C20orf204: variants seen among roughly 807,000 people sequenced by gnomAD.
C20orf204 encodes uncharacterized protein C20orf204.
A neutral mutation model predicts 3.6 loss-of-function variants in C20orf204; 6 were observed. The observed-to-expected ratio is 1.68, with a 90% CI of 0.92 to 3.31. The LOEUF is 3.31. C20orf204 is among the 30% of genes most tolerant of loss of function. The pLI, the probability that C20orf204 is intolerant of heterozygous loss-of-function variation, is 0.00. For missense variants in C20orf204, 167 were observed against 89.7 expected, an observed-to-expected ratio of 1.86 and a Z score of -3.48; for synonymous variants, 80 against 41.4, an observed-to-expected ratio of 1.93 and a Z score of -3.58.
rs754863025 is a variant in C20orf204 at position 64,038,301 on chromosome 20, C to G, written c.285C>G (p.His95Gln). 4 of 758,240 alleles carry G rather than the reference C, an allele frequency of 5.3e-6. No homozygotes were observed. In the East Asian group the frequency reaches 7.7e-5, roughly 15 times the overall value. The allele number at this position is 758,240 out of a possible 1,614,324, so 47.0% of individuals were successfully genotyped here. ...TTCCTCCCTTCCCTCCCCAGGAGCA[C>G]AGTATCCTCCTGTCCATCTCGTCCC... ...PRASCGAQKE[H>Q]SILLSISSLG... Residue 95 changes from histidine to glutamine, a missense_variant, in exon 3 of 4, where the codon CAC becomes CAG. By Grantham distance (24) the His-to-Gln change is conservative (BLOSUM62 0). Coordinates refer to ENST00000636176, the MANE Select transcript of C20orf204 (RefSeq NM_001387010.1).
chr20:64,035,896 C>T (rs1199390431), upstream of C20orf204: 2 of 152,602 alleles, frequency 1.3e-5, no homozygotes, highest in Non-Finnish European at 2.9e-5. Flanking sequence ...CCTGGCTCCC[C>T]TCCCCCACCA....
upstream of C20orf204, chr20:64,034,326 G>A (rs1029318590): frequency 6.6e-6 from 1 of 152,542 alleles, no homozygotes; most frequent in Admixed American, 6.5e-5. Context: ...CTCCTGACGA[G>A]TGAGAATGGC....
At position 64,038,937 on chromosome 20, in the gene C20orf204, G is replaced by C. The variant is rs949284544; in HGVS notation, c.*178G>C. ...GCGCGCCTGGCCGCCGCTGGGTCAC[G>C]GAGGAGGCCCGCCCTCCACGCGCCG... On this transcript the variant is annotated 3_prime_UTR_variant, in exon 4 of 4. Transcript: ENST00000636176. The C allele has an allele frequency of 1.4e-6, 1 of 726,396 alleles. No homozygotes were observed. The highest frequency in any genetic ancestry group is 1.9e-5 in the Admixed American group (1 of 52,872). The allele number at this position is 726,396 out of a possible 1,614,324, so 45.0% of individuals were successfully genotyped here. A position where few individuals can be genotyped will look rare whatever the true frequency, so the allele number is the denominator to read the frequency against.
chr20:64,038,468 C>G lies in C20orf204; in HGVS notation c.432+20C>G, dbSNP rs1569229777. The G allele has an allele frequency of 5.4e-6, 4 of 734,000 alleles. No individual in the cohort carries two copies. The highest frequency in any genetic ancestry group is 7.5e-6 in the Non-Finnish European group (3 of 399,352). The allele number at this position is 734,000 out of a possible 1,614,324, so 45.5% of individuals were successfully genotyped here. A position where few individuals can be genotyped will look rare whatever the true frequency, so the allele number is the denominator to read the frequency against. The stretch of plus-strand genomic sequence containing the variant: ...CGCCAGGTGTGCGTCCCTGAGTGCA[C>G]CCAGAGCCAGACCTCCCTTAACCCC... On this transcript the variant is annotated intron_variant, in intron 3 of 3. Transcript: ENST00000636176.
At chr20:64,035,829 C>T (rs1411447160), upstream of C20orf204, 1 of 152,306 alleles carries the variant, frequency 6.6e-6, no homozygotes, top group Non-Finnish European at 1.5e-5. Context: ...CTCTGCCCAT[C>T]AGCCAGATCC....
In C20orf204 at chr20:64,038,384, CT is replaced by C. The variant is rs770010694; in HGVS notation, c.369del (p.Ala124LeufsTer11). The C allele has an allele frequency of 1.3e-6, 1 of 770,356 alleles. No homozygotes were observed. Among genetic ancestry groups the C allele is most frequent in the Non-Finnish European group, 2.4e-6 (1 of 414,858 alleles). 47.7% of individuals were successfully genotyped at this position (770,356 alleles called of 1,614,324 possible). A position where few individuals can be genotyped will look rare whatever the true frequency, so the allele number is the denominator to read the frequency against. On this transcript the variant is annotated frameshift_variant, in exon 3 of 4. Coordinates refer to ENST00000636176, the MANE Select transcript of C20orf204 (RefSeq NM_001387010.1). LOFTEE classifies it high-confidence loss of function. ...AGGRRGALER[A>X]AWTVAVRTEA... ...GGCCGCCGCGGGGCCCTGGAGAGAG[CT>C]GCTTGGACCGTGGCTGTGCGCACCG...
At chr20:64,038,542 G>C in intron 3 of C20orf204, 80 bp from the exon 4 acceptor site, 1 of 540,900 alleles carries the variant, frequency 1.8e-6, no homozygotes, top group South Asian at 2.5e-5. Context: ...GGCTGAAGTC[G>C]GGCTGGGTCG....
chr20:64,038,601 T>G (rs1231460101), intron 3 of C20orf204, 21 bp from the exon 4 acceptor site: 1 of 528,010 alleles, frequency 1.9e-6, no homozygotes, highest in Non-Finnish European at 3.3e-6. Flanking sequence ...GCGCATTCGC[T>G]GACCGCCCTG....
In C20orf204 at chr20:64,038,220, C is replaced by T. The variant is rs1003064052; in HGVS notation, c.279+18C>T. On this transcript the variant is annotated intron_variant, in intron 2 of 3. Transcript: ENST00000636176. ...CCCAGAAGGTATGGAGGAGGCGCCC[C>T]TACCCAAGCTCGCCGGCCTGCTCCT... The T allele has an allele frequency of 5.6e-6, 4 of 720,010 alleles. No homozygotes were observed. The African/African-American group carries it at 7.2e-5, about 13-fold the overall frequency. 44.6% of individuals were successfully genotyped at this position (720,010 alleles called of 1,614,324 possible). A position where few individuals can be genotyped will look rare whatever the true frequency, so the allele number is the denominator to read the frequency against.
At chr20:64,037,780 T>C (rs1042642523) in intron 1 of C20orf204, 147 bp from the exon 2 acceptor site, 3 of 401,708 alleles carry the variant, frequency 7.5e-6, no homozygotes, top group African/African-American at 6.2e-5. Context: ...CTTTCTTGAT[T>C]GGTGACACGT....
At chr20:64,037,901 T>C in intron 1 of C20orf204, 26 bp from the exon 2 acceptor site, 2 of 426,734 alleles carry the variant, frequency 4.7e-6, no homozygotes, top group South Asian at 6.5e-5. Context: ...CCCCCAGGCC[T>C]AACCCCAACC....
upstream of C20orf204, chr20:64,034,910 AG>A: frequency 6.6e-6 from 1 of 152,354 alleles, no homozygotes; most frequent in Non-Finnish European, 1.5e-5. Flanking sequence ...ACCGAGGCGT[AG>A]GAAGGAAGCC....
chr20:64,037,475 T>G (rs768033918), intron 1 of C20orf204: 44 of 159,906 alleles, frequency 2.8e-4, no homozygotes, highest in Non-Finnish European at 3.1e-4. Context: ...CCCAAGAGCC[T>G]GCAGACCAGC....
chr20:64,036,895 G>T (rs1473826815), intron 1 of C20orf204: 1 of 152,366 alleles, frequency 6.6e-6, no homozygotes, highest in African/African-American at 2.4e-5. Context: ...TCTATGCAAG[G>T]GTTGGGGTGC....
chr20:64,035,939 G>A (rs530938488), upstream of C20orf204: 26 of 152,584 alleles, frequency 1.7e-4, no homozygotes, highest in Admixed American at 3.9e-4. Context: ...CCCACGCGGC[G>A]CCTCACCCCT....
chr20:64,034,034 G>A (rs776213719), upstream of C20orf204, among the ~76,000 whole-genome samples: 7 of 152,168 alleles, frequency 4.6e-5, no homozygotes, highest in Non-Finnish European at 7.3e-5. Context: ...TGTGTAGGCC[G>A]GGGCTAGAGA....
At chr20:64,033,993 G>A (rs967155214), upstream of C20orf204, among the ~76,000 whole-genome samples, 9 of 152,246 alleles carry the variant, frequency 5.9e-5, no homozygotes, top group South Asian at 4.1e-4. Context: ...GGGATCATGT[G>A]TGTGCATTCA....
At position 64,038,729 on chromosome 20, in the gene C20orf204, G is replaced by A. The variant is rs1310443526; in HGVS notation, c.540G>A (p.Ala180=). The stretch of plus-strand genomic sequence containing the variant: ...CCACCTGCTGGGAGAAGCTCTTCGC[G>A]CTGCGCGCCCCGGCCTCCAGGGACT... ...AVATCWEKLF[A]LRAPASRDS is the part of the protein sequence containing the mutation. The change falls in exon 4 of 4, where the codon GCG becomes GCA. Residue 180 remains alanine (A), a synonymous_variant. Coordinates refer to ENST00000636176, the MANE Select transcript of C20orf204 (RefSeq NM_001387010.1). 4.4e-6 allele frequency: 3 copies of A among 688,624 alleles called. No individual in the cohort carries two copies. Among genetic ancestry groups the A allele is most frequent in the South Asian group, 3.1e-5 (2 of 65,188 alleles). The allele number at this position is 688,624 out of a possible 1,614,324, so 42.7% of individuals were successfully genotyped here. A position where few individuals can be genotyped will look rare whatever the true frequency, so the allele number is the denominator to read the frequency against.
chr20:64,038,108 G>C lies in C20orf204; in HGVS notation c.185G>C (p.Gly62Ala), dbSNP rs1390901730. 4.0e-5 allele frequency: 21 copies of C among 530,428 alleles called. 1 individual carries two copies. Among genetic ancestry groups the C allele is most frequent in the South Asian group, 2.0e-4 (8 of 40,424 alleles). 32.9% of individuals were successfully genotyped at this position (530,428 alleles called of 1,614,324 possible). A position where few individuals can be genotyped will look rare whatever the true frequency, so the allele number is the denominator to read the frequency against. The change falls in exon 2 of 4, where the codon GGC becomes GCC. Residue 62 changes from glycine (G) to alanine (A), a missense_variant. Physicochemically the swap from Gly to Ala is moderately conservative, Grantham distance 60. Coordinates refer to ENST00000636176, the MANE Select transcript of C20orf204 (RefSeq NM_001387010.1). ...GCGGGGGCCGAAAAGACCAGGCCAG[G>C]CTCCAGACACTTTCATTTCATACAG... The part of the protein sequence containing the change: ...GGAGAEKTRP[G>A]SRHFHFIQKN...
Sources: allele counts gnomAD v4.1 joint callset (sites outside exome capture counted in the v4.1 genomes callset), GRCh38; gene constraint gnomAD v4.1.1; transcripts MANE v1.5; gene names NCBI Gene and HGNC (gene_info 2026-07-23, HGNC 2026-07-21).